Variants in CCDC88C observed in about 807,000 individuals in gnomAD.
CCDC88C encodes the protein coiled-coil and HOOK domain protein 88C, also known as protein Daple.
A neutral mutation model predicts 198.8 loss-of-function variants in CCDC88C; 131 were observed. The ratio of observed to expected loss-of-function variants is 0.66; its 90% CI spans 0.57 to 0.76. The LOEUF (loss-of-function observed/expected upper bound fraction) is 0.76. Ranked by LOEUF, CCDC88C falls within the 30% of genes least tolerant of loss-of-function variation. The pLI, the probability that CCDC88C is intolerant of heterozygous loss-of-function variation, is 0.00. For missense variants in CCDC88C, 2,553 were observed against 2,631.6 expected (o/e 0.97, Z 0.65); for synonymous variants, 1,166 against 1,114.7 (o/e 1.05, Z -0.92).
chr14:91,307,448 G>A (rs138146274), intron 17 of CCDC88C, among the ~76,000 whole-genome samples: 140 of 152,306 alleles, frequency 9.2e-4, no homozygotes, highest in African/African-American at 3.2e-3. Context: ...GGAGGTGGGG[G>A]CCTGCAACCC....
At chr14:91,404,535 C>A (rs1457480519) in intron 3 of CCDC88C, among the ~76,000 whole-genome samples, 1 of 152,226 alleles carries the variant, frequency 6.6e-6, no homozygotes, top group African/African-American at 2.4e-5. Flanking sequence ...GCAGGCCCAA[C>A]AATCTGCATC....
intron 18 of CCDC88C, among the ~76,000 whole-genome samples, chr14:91,306,164 A>G (rs1891549356): frequency 6.6e-6 from 1 of 152,180 alleles, no homozygotes; most frequent in Admixed American, 6.5e-5. Context: ...TGGGAGGTGA[A>G]TGCATGCTGG....
chr14:91,416,470 T>C (rs1016776155), intron 2 of CCDC88C, among the ~76,000 whole-genome samples: 2 of 151,902 alleles, frequency 1.3e-5, no homozygotes, highest in African/African-American at 2.4e-5. Flanking sequence ...GAGTCTGAAG[T>C]CAATTGCACT....
At chr14:91,324,600 C>T (rs1344034128) in intron 12 of CCDC88C, among the ~76,000 whole-genome samples, 179 bp downstream of exon 12, 2 of 152,268 alleles carry the variant, frequency 1.3e-5, no homozygotes, top group Non-Finnish European at 2.9e-5. Flanking sequence ...TGCCAGACCC[C>T]TCGTGTCTTC....
chr14:91,363,120 C>A (rs1894384051), intron 3 of CCDC88C, among the ~76,000 whole-genome samples: 1 of 152,016 alleles, frequency 6.6e-6, no homozygotes, highest in Non-Finnish European at 1.5e-5. Context: ...CAGGGCTGTC[C>A]AGCAATATAC....
chr14:91,399,988 C>G (rs1285824), intron 3 of CCDC88C, among the ~76,000 whole-genome samples: 75,258 of 151,608 alleles, frequency 0.5, 19,501 homozygotes, highest in East Asian at 0.86. Flanking sequence ...TGCCGCTCTT[C>G]CCCAGAGGAC....
At chr14:91,398,343 A>G (rs542561356) in intron 3 of CCDC88C, among the ~76,000 whole-genome samples, 1 of 152,316 alleles carries the variant, frequency 6.6e-6, no homozygotes, top group African/African-American at 2.4e-5. Context: ...CCTGGCCAAC[A>G]GTTGAACCAC....
chr14:91,340,609 G>A (rs937536811), intron 6 of CCDC88C, among the ~76,000 whole-genome samples: 3 of 152,004 alleles, frequency 2.0e-5, no homozygotes, highest in South Asian at 2.1e-4. Context: ...ACAGCCTCTC[G>A]ACGCACACCC....
chr14:91,292,511 C>T (rs796975541), intron 23 of CCDC88C, among the ~76,000 whole-genome samples: 3 of 152,308 alleles, frequency 2.0e-5, no homozygotes, highest in African/African-American at 7.2e-5. Context: ...TACATACAAA[C>T]CATCCTCCCG....
rs146934842 is a variant in CCDC88C, at chr14:91,284,687, C to T, written c.4442-1170G>A. ...GAAGTCAGTGGCACATTAACCGACT[C>T]TCATATTTTAGTAATTATGTGTTTA... On this transcript the variant is annotated intron_variant, in intron 25 of 29. Transcript: ENST00000389857. The surrounding 1 kb of genome is among the most constrained non-coding windows in gnomAD (Gnocchi z 4.1). Among the ~76,000 whole-genome samples the T allele has an allele frequency of 2.6e-5, 4 of 152,288 alleles. No homozygotes were observed. The highest frequency in any genetic ancestry group is 9.6e-5 in the African/African-American group (4 of 41,546).
In CCDC88C at chr14:91,359,628, C is replaced by G; in HGVS notation, c.340+14G>C. On this transcript the variant is annotated intron_variant, in intron 4 of 29. Coordinates refer to ENST00000389857, the MANE Select transcript of CCDC88C (RefSeq NM_001080414.4). Reference sequence around the variant, plus strand: ...CTGGGCACCACAGGGGAGAAGGGAGCGGCTTTCACTCACCAGACAGTGGGT... The same window carrying G: ...CTGGGCACCACAGGGGAGAAGGGAGGGGCTTTCACTCACCAGACAGTGGGT... 6.3e-7 allele frequency: 1 copy of G among 1,597,618 alleles called. No homozygotes were observed. Among genetic ancestry groups the G allele is most frequent in the Non-Finnish European group, 8.5e-7 (1 of 1,171,140 alleles).
At chr14:91,321,064 TG>T in intron 13 of CCDC88C, 55 bp downstream of exon 13, 1 of 1,491,178 alleles carries the variant, frequency 6.7e-7, no homozygotes, top group Admixed American at 2.0e-5. Flanking sequence ...CTGGGGAGGA[TG>T]GGAGGGTGCC....
At position 91,339,073 on chromosome 14, in the gene CCDC88C, A is replaced by G; in HGVS notation, c.809+205T>C. 1 of 663,820 alleles carries G rather than the reference A, an allele frequency of 1.5e-6. No individual in the cohort carries two copies. 41.1% of individuals were successfully genotyped at this position (663,820 alleles called of 1,614,324 possible). ...CGGGAGGAAACCCTGAAGACCGGGA[A>G]GAATCCCCGCCCCCATCCCTGTGCA... On this transcript the variant is annotated intron_variant, in intron 8 of 29. Transcript: ENST00000389857. The surrounding 1 kb of genome is among the most constrained non-coding windows in gnomAD (Gnocchi z 5.8).
At chr14:91,413,333 C>T (rs1277079258) in intron 2 of CCDC88C, among the ~76,000 whole-genome samples, 1 of 152,196 alleles carries the variant, frequency 6.6e-6, no homozygotes, top group Non-Finnish European at 1.5e-5. Context: ...AAAATACCAT[C>T]CCCTTATTAC....
At chr14:91,342,269 G>A (rs534723322) in intron 6 of CCDC88C, 111 bp downstream of exon 6, 4 of 636,056 alleles carry the variant, frequency 6.3e-6, no homozygotes, top group Admixed American at 4.7e-5. Flanking sequence ...TAGCAAAATC[G>A]TAATGGGTGA....
chr14:91,362,402 G>A (rs1358011864), intron 3 of CCDC88C, among the ~76,000 whole-genome samples: 1 of 152,028 alleles, frequency 6.6e-6, no homozygotes, highest in Non-Finnish European at 1.5e-5. Flanking sequence ...GTTTATAAGC[G>A]AGATGCAATA....
Position 91,338,257 on chromosome 14 carries a change from G to T in CCDC88C, c.892-94C>A. 6.8e-7 allele frequency: 1 copy of T among 1,471,300 alleles called. No homozygotes were observed. The highest frequency in any genetic ancestry group is 9.2e-7 in the Non-Finnish European group (1 of 1,081,634). The allele number at this position is 1,471,300 out of a possible 1,614,324, so 91.1% of individuals were successfully genotyped here. The stretch of plus-strand genomic sequence containing the variant: ...CCCTTCTGCATGGTGTCTCCACGAC[G>T]GCCCAGGACAAGCCAGCTCCTGGTG... On this transcript the variant is annotated intron_variant, in intron 9 of 29. Coordinates refer to ENST00000389857, the MANE Select transcript of CCDC88C (RefSeq NM_001080414.4). This position sits in a 1 kb window ranked among gnomAD's most constrained non-coding sequence, Gnocchi z 4.8.
At chr14:91,357,776 G>A (rs569193634) in intron 4 of CCDC88C, among the ~76,000 whole-genome samples, 7 of 152,332 alleles carry the variant, frequency 4.6e-5, no homozygotes, top group African/African-American at 1.7e-4. Context: ...CCCGGTCCCT[G>A]GAGCCCAGGG....
chr14:91,272,084 C>G lies in CCDC88C; in HGVS notation c.*541G>C, dbSNP rs1889759248. The G allele has an allele frequency of 6.5e-6, 1 of 153,558 alleles. No individual in the cohort carries two copies. Among genetic ancestry groups the G allele is most frequent in the Non-Finnish European group, 1.5e-5 (1 of 68,766 alleles). The allele number at this position is 153,558 out of a possible 1,614,324, so 9.5% of individuals were successfully genotyped here. A position where few individuals can be genotyped will look rare whatever the true frequency, so the allele number is the denominator to read the frequency against. ...GCTTGGGACCCCAGGAATGGAACAG[C>G]AGCACTCTCACTTTTTAACAGCAGG... On this transcript the variant is annotated 3_prime_UTR_variant, in exon 30 of 30. Transcript: ENST00000389857.
Sources: allele counts gnomAD v4.1 joint callset (sites outside exome capture counted in the v4.1 genomes callset), GRCh38; gene constraint gnomAD v4.1.1; non-coding constraint Gnocchi (gnomAD v3.1); transcripts MANE v1.5; gene names NCBI Gene and HGNC (gene_info 2026-07-23, HGNC 2026-07-21).